OCLN: variants seen among roughly 807,000 people sequenced by gnomAD.
OCLN encodes occludin, also known as phosphatase 1, regulatory subunit 115.
A neutral mutation model predicts 47.9 loss-of-function variants in OCLN; 21 were observed. The ratio of observed to expected loss-of-function variants is 0.44; its 90% CI spans 0.31 to 0.63. The LOEUF is 0.63. Ranked by LOEUF, OCLN falls within the 30% of genes least tolerant of loss-of-function variation. The pLI, the probability that OCLN is intolerant of heterozygous loss-of-function variation, is 0.08. For missense variants in OCLN, 360 were observed against 571.0 expected (o/e 0.63, Z 3.77); for synonymous variants, 117 against 198.4 (o/e 0.59, Z 3.45).
intron 1 of OCLN, among the ~76,000 whole-genome samples, chr5:69,500,262 A>G (rs1768419130): frequency 6.6e-6 from 1 of 152,250 alleles, no homozygotes; most frequent in Non-Finnish European, 1.5e-5. Context: ...GGATGTGCTC[A>G]AGATTTTCAG....
intron 4 of OCLN, among the ~76,000 whole-genome samples, chr5:69,517,732 T>C (rs750959871): frequency 2.0e-4 from 30 of 152,182 alleles, no homozygotes; most frequent in Non-Finnish European, 4.4e-5. Flanking sequence ...AAGGCTGTGG[T>C]ATGTATTCAC....
chr5:69,549,035 A>G (rs940146557), intron 7 of OCLN, among the ~76,000 whole-genome samples: 2 of 149,222 alleles, frequency 1.3e-5, no homozygotes, highest in Non-Finnish European at 3.0e-5. Flanking sequence ...CTTTCTGTAG[A>G]AAAGAACTTA....
chr5:69,512,180 T>C (rs1768809266), intron 3 of OCLN, among the ~76,000 whole-genome samples: 1 of 152,224 alleles, frequency 6.6e-6, no homozygotes, highest in Non-Finnish European at 1.5e-5. Flanking sequence ...AATTTTTCTA[T>C]AGTTTCATAA....
rs756837651 is a variant in OCLN, at chr5:69,509,264, G to A, written c.174G>A (p.Trp58Ter). Reference protein sequence around the residue: ...PEDEILHFYKWTSPPGVIRIL... With the variant: ...PEDEILHFYK ...ATGAAATTCTTCACTTCTACAAATGGACCTCTCCTCCAGGAGTGATTCGGA... is the reference window on the plus strand; with the variant it reads ...ATGAAATTCTTCACTTCTACAAATGAACCTCTCCTCCAGGAGTGATTCGGA... The change falls in exon 3 of 9, where the codon TGG becomes TGA. Residue 58 changes from tryptophan (W) to a stop codon, truncating the protein, a stop_gained. Coordinates refer to ENST00000396442, the MANE Select transcript of OCLN (RefSeq NM_001205254.2). LOFTEE classifies it high-confidence loss of function. 61 of 1,614,028 alleles carry A rather than the reference G, an allele frequency of 3.8e-5. No individual in the cohort carries two copies. Among genetic ancestry groups the A allele is most frequent in the Non-Finnish European group, 5.1e-5 (60 of 1,180,030 alleles).
intron 2 of OCLN, among the ~76,000 whole-genome samples, chr5:69,508,297 ACT>A (rs1371787261): frequency 1.3e-5 from 2 of 149,982 alleles, no homozygotes; most frequent in Non-Finnish European, 3.0e-5. Context: ...CCCACCTCAG[ACT>A]CTCCACTGTG....
intron 1 of OCLN, among the ~76,000 whole-genome samples, chr5:69,500,358 A>G (rs1768421270): frequency 6.6e-6 from 1 of 152,122 alleles, no homozygotes; most frequent in Non-Finnish European, 1.5e-5. Context: ...CAGAAAAGGA[A>G]ATGAAGTTGG....
intron 4 of OCLN, among the ~76,000 whole-genome samples, chr5:69,522,651 T>G (rs1342854320): frequency 2.0e-5 from 3 of 152,154 alleles, no homozygotes; most frequent in African/African-American, 7.2e-5. Context: ...TTTAGAATAG[T>G]TTTATTAATA....
intron 4 of OCLN, among the ~76,000 whole-genome samples, chr5:69,533,557 T>C (rs1769507613): frequency 1.3e-5 from 2 of 152,186 alleles, no homozygotes; most frequent in South Asian, 4.1e-4. Context: ...TAGGACTTGA[T>C]TGCTGTTTCA....
chr5:69,496,561 C>CTTTTTTTT, intron 1 of OCLN, among the ~76,000 whole-genome samples: 1 of 122,780 alleles, frequency 8.1e-6, no homozygotes, highest in Non-Finnish European at 1.7e-5. Flanking sequence ...TTTTTTTATA[C>CTTTTTTTT]TTTTTTTTTT....
chr5:69,518,628 C>T (rs1457769410), intron 4 of OCLN, among the ~76,000 whole-genome samples: 2 of 152,182 alleles, frequency 1.3e-5, no homozygotes, highest in African/African-American at 4.8e-5. Context: ...ATAATGTGGC[C>T]ATCGCTGTGG....
In OCLN at chr5:69,509,143, AACCGAAT is replaced by A; in HGVS notation, c.54_60del (p.Lys18AsnfsTer45). 1 of 1,613,718 alleles carries A rather than the reference AACCGAAT, an allele frequency of 6.2e-7. No homozygotes were observed. The highest frequency in any genetic ancestry group is 8.5e-7 in the Non-Finnish European group (1 of 1,179,600). On this transcript the variant is annotated frameshift_variant, in exon 3 of 9. Coordinates refer to ENST00000396442, the MANE Select transcript of OCLN (RefSeq NM_001205254.2). LOFTEE classifies it high-confidence loss of function. ...AATTATTTTCATGTTCATTTCAGCA[AACCGAAT>A]CATTATGCACCAAGCAATGACATAT...
At chr5:69,496,512 G>T (rs1268055684) in intron 1 of OCLN, among the ~76,000 whole-genome samples, 29 of 148,780 alleles carry the variant, frequency 1.9e-4, no homozygotes, top group Non-Finnish European at 6.0e-5. Flanking sequence ...TTTCTTTAAA[G>T]AATAATTTGA....
At chr5:69,521,986 A>G (rs1057105463) in intron 4 of OCLN, among the ~76,000 whole-genome samples, 8 of 151,806 alleles carry the variant, frequency 5.3e-5, no homozygotes, top group African/African-American at 1.9e-4. Flanking sequence ...GTGGTCTTTC[A>G]TCTTTGTCTA....
At chr5:69,545,255 ACAGT>A (rs1487281322) in intron 6 of OCLN, 136 bp downstream of exon 6, 14 of 794,104 alleles carry the variant, frequency 1.8e-5, no homozygotes, top group Non-Finnish European at 2.5e-5. Context: ...AGGACTGGAG[ACAGT>A]TTTTTGTGTG....
At chr5:69,549,332 C>A (rs1488509086) in intron 7 of OCLN, among the ~76,000 whole-genome samples, 2 of 60,086 alleles carry the variant, frequency 3.3e-5, no homozygotes, top group East Asian at 1.1e-3. Context: ...CAGAGTGAGA[C>A]TCCATCTCAA....
rs1554055331 is a variant in OCLN at position 69,533,012 on chromosome 5, T to TGTGTGTGTGC, written c.892-1673_892-1672insCGTGTGTGTG. The stretch of plus-strand genomic sequence containing the variant: ...ATGTATGCATGTATGTGTGTGTGTG[T>TGTGTGTGTGC]GTGTGTGTGTGTATACACACACACA... On this transcript the variant is annotated intron_variant, in intron 4 of 8. Coordinates refer to ENST00000396442, the MANE Select transcript of OCLN (RefSeq NM_001205254.2). 1.8e-4 allele frequency among the ~76,000 whole-genome samples: 26 copies of TGTGTGTGTGC among 147,520 alleles called. No individual in the cohort carries two copies. The South Asian group carries it at 4.9e-3, about 28-fold the overall frequency.
At chr5:69,522,271 T>G (rs924432919) in intron 4 of OCLN, among the ~76,000 whole-genome samples, 9 of 152,190 alleles carry the variant, frequency 5.9e-5, no homozygotes, top group Non-Finnish European at 1.0e-4. Context: ...AAAGTTTTAT[T>G]TTTTTTACCC....
At chr5:69,548,542 G>A (rs1485007362) in intron 7 of OCLN, among the ~76,000 whole-genome samples, 6 of 148,190 alleles carry the variant, frequency 4.0e-5, no homozygotes, top group East Asian at 4.1e-4. Context: ...GGATGGTCTC[G>A]ATCTCCTGAC....
intron 3 of OCLN, among the ~76,000 whole-genome samples, chr5:69,512,913 A>G (rs1768825646): frequency 6.6e-6 from 1 of 152,140 alleles, no homozygotes; most frequent in Non-Finnish European, 1.5e-5. Flanking sequence ...ACACTAACTC[A>G]GGAGTTCCCA....
Sources: allele counts gnomAD v4.1 joint callset (sites outside exome capture counted in the v4.1 genomes callset), GRCh38; gene constraint gnomAD v4.1.1; transcripts MANE v1.5; gene names NCBI Gene and HGNC (gene_info 2026-07-23, HGNC 2026-07-21).